The following STIM1 variants were observed in gnomAD, a reference collection of about 807,000 sequenced individuals.
STIM1 encodes stromal interaction molecule 1.
STIM1 carries 25 observed loss-of-function variants against 74.7 expected under a neutral mutation model. That is an observed-to-expected ratio of 0.33 (90% CI 0.24 to 0.47). The LOEUF (loss-of-function observed/expected upper bound fraction) is 0.47, where lower values mean the gene tolerates loss of function less well. Among genes scored for constraint, STIM1 ranks in the 20% least tolerant of loss-of-function variants. The pLI is 1.00. For synonymous variants in STIM1, 328 were observed against 348.8 expected (o/e 0.94, Z 0.66); for missense variants, 728 against 920.8 (o/e 0.79, Z 2.71).
At position 3,879,735 on chromosome 11, in the gene STIM1, T is replaced by C. The variant is rs529771949; in HGVS notation, c.139+23326T>C. ...TACTAATTTCTGGCTTAGAATTTTA[T>C]CTGCAGGCTCTTCTACATTTGTTTT... On this transcript the variant is annotated intron_variant, in intron 1 of 12. Coordinates refer to ENST00000526596, the MANE Select transcript of STIM1 (RefSeq NM_001382567.1). Among the ~76,000 whole-genome samples the C allele has an allele frequency of 1.6e-4, 24 of 152,376 alleles. 1 individual carries two copies. The South Asian group carries it at 5.0e-3, about 32-fold the overall frequency.
intron 1 of STIM1, among the ~76,000 whole-genome samples, chr11:3,932,444 C>T (rs1434287879): frequency 1.1e-4 from 17 of 151,996 alleles, no homozygotes; most frequent in Admixed American, 8.5e-4. Context: ...GGGTGGATCA[C>T]GAGGTCAGGA....
At chr11:3,998,894 A>C (rs2135892925) in intron 2 of STIM1, among the ~76,000 whole-genome samples, 1 of 152,356 alleles carries the variant, frequency 6.6e-6, no homozygotes, top group Non-Finnish European at 1.5e-5. Context: ...ATGTGTCTAG[A>C]GCAGGCAACT....
intron 1 of STIM1, among the ~76,000 whole-genome samples, chr11:3,957,065 C>T (rs1256477093): frequency 1.3e-5 from 2 of 151,912 alleles, no homozygotes; most frequent in Non-Finnish European, 2.9e-5. Context: ...TATCATGTGT[C>T]AGGTGGAATC....
intron 2 of STIM1, among the ~76,000 whole-genome samples, chr11:3,998,732 C>T (rs969688045): frequency 6.6e-5 from 10 of 152,100 alleles, no homozygotes; most frequent in Admixed American, 3.3e-4. Context: ...GCAATGAACT[C>T]ACCTGGGAGA....
intron 1 of STIM1, among the ~76,000 whole-genome samples, chr11:3,882,739 C>T (rs2091562774): frequency 6.6e-6 from 1 of 152,214 alleles, no homozygotes; most frequent in Non-Finnish European, 1.5e-5. Context: ...CTCTTTTTCA[C>T]AGCAGCTGAA....
intron 1 of STIM1, among the ~76,000 whole-genome samples, chr11:3,940,848 G>A (rs980999575): frequency 6.6e-6 from 1 of 152,178 alleles, no homozygotes; most frequent in East Asian, 1.9e-4. Flanking sequence ...TTATTTAAAA[G>A]AGATGTTTTT....
chr11:4,008,479 A>G (rs1047247947), intron 2 of STIM1, among the ~76,000 whole-genome samples: 4 of 152,250 alleles, frequency 2.6e-5, no homozygotes, highest in Non-Finnish European at 5.9e-5. Flanking sequence ...AATAAAGACC[A>G]AAACACTTAC....
At chr11:3,902,640 G>C (rs1275892164) in intron 1 of STIM1, among the ~76,000 whole-genome samples, 2 of 152,214 alleles carry the variant, frequency 1.3e-5, no homozygotes, top group Non-Finnish European at 2.9e-5. Context: ...CTCACCTCCT[G>C]CTGTGTGGCC....
intron 1 of STIM1, among the ~76,000 whole-genome samples, chr11:3,907,932 A>G (rs2092493652): frequency 6.6e-6 from 1 of 152,176 alleles, no homozygotes; most frequent in South Asian, 2.1e-4. Context: ...TTTTGGTCAA[A>G]TTTCAACTCA....
At chr11:3,907,521 A>C (rs2092484950) in intron 1 of STIM1, among the ~76,000 whole-genome samples, 1 of 152,146 alleles carries the variant, frequency 6.6e-6, no homozygotes, top group South Asian at 2.1e-4. Context: ...ACCCTGATCC[A>C]CGTTACCATC....
intron 2 of STIM1, among the ~76,000 whole-genome samples, chr11:3,996,713 T>G (rs1433363057): frequency 1.3e-5 from 2 of 152,228 alleles, no homozygotes; most frequent in Non-Finnish European, 2.9e-5. Flanking sequence ...ATTGGCTGTG[T>G]GCCTTTAAGA....
At chr11:3,888,325 G>A (rs1348261012) in intron 1 of STIM1, among the ~76,000 whole-genome samples, 3 of 152,158 alleles carry the variant, frequency 2.0e-5, no homozygotes, top group African/African-American at 7.2e-5. Flanking sequence ...CTTTTATGGG[G>A]TTCAAGCTTT....
In STIM1 at chr11:3,973,592, G is replaced by T. The variant is rs567170422; in HGVS notation, c.270+5910G>T. 4.5e-4 allele frequency among the ~76,000 whole-genome samples: 69 copies of T among 152,134 alleles called. 1 individual carries two copies. Among genetic ancestry groups the T allele is most frequent in the African/African-American group, 1.6e-3 (66 of 41,504 alleles). On this transcript the variant is annotated intron_variant, in intron 2 of 12. Transcript: ENST00000526596. ...TTTTTGTATTTTTTGTAGAGATGAG[G>T]TCTTGCCATGCTGCCCAGGCTGGTC...
chr11:3,929,860 C>T (rs150291674), intron 1 of STIM1, among the ~76,000 whole-genome samples: 1 of 152,144 alleles, frequency 6.6e-6, no homozygotes, highest in African/African-American at 2.4e-5. Flanking sequence ...CAGTCCTGTG[C>T]CTCTCTGGAC....
chr11:3,888,807 T>C (rs1469557935), intron 1 of STIM1, among the ~76,000 whole-genome samples: 6 of 152,024 alleles, frequency 3.9e-5, no homozygotes, highest in African/African-American at 1.2e-4. Context: ...CCGTGTCGGC[T>C]TCCCAAAGTG....
chr11:4,016,766 C>G (rs11030631), intron 2 of STIM1, among the ~76,000 whole-genome samples: 40,744 of 152,160 alleles, frequency 0.27, 6,067 homozygotes, highest in South Asian at 0.45. Context: ...CTACTCAAGC[C>G]TCAGCAATGG....
intron 1 of STIM1, among the ~76,000 whole-genome samples, chr11:3,901,052 A>G (rs1035567359): frequency 2.0e-5 from 3 of 152,192 alleles, no homozygotes; most frequent in Non-Finnish European, 4.4e-5. Context: ...TTAGCCGGGC[A>G]TGGTGGTGTG....
intron 3 of STIM1, among the ~76,000 whole-genome samples, chr11:4,030,857 A>T (rs1331149950): frequency 1.3e-5 from 2 of 152,242 alleles, no homozygotes; most frequent in East Asian, 1.9e-4. Context: ...TGCATCTCCG[A>T]TGATACTACC....
chr11:3,929,064 TG>T (rs927778605), intron 1 of STIM1, among the ~76,000 whole-genome samples: 1 of 152,122 alleles, frequency 6.6e-6, no homozygotes, highest in African/African-American at 2.4e-5. Flanking sequence ...TTGGCCAGGT[TG>T]GTCTCGAACT....
Sources: allele counts gnomAD v4.1 joint callset (sites outside exome capture counted in the v4.1 genomes callset), GRCh38; gene constraint gnomAD v4.1.1; transcripts MANE v1.5; gene names NCBI Gene and HGNC (gene_info 2026-07-23, HGNC 2026-07-21).